Variants in TRIQK observed in about 807,000 individuals in gnomAD.
The protein encoded by TRIQK is triple QxxK/R motif containing.
TRIQK carries 10 observed loss-of-function variants against 10.8 expected under a neutral mutation model. That is an observed-to-expected ratio of 0.92 (90% CI 0.57 to 1.57). The LOEUF is 1.57. TRIQK is among the 40% of genes most tolerant of loss of function. TRIQK has a pLI of 0.00. For synonymous variants in TRIQK, 33 were observed against 33.7 expected (o/e 0.98, Z 0.07); for missense variants, 107 against 97.7 (o/e 1.09, Z -0.40).
At chr8:92,949,450 AT>A (rs933036985) in intron 2 of TRIQK, among the ~76,000 whole-genome samples, 1 of 152,030 alleles carries the variant, frequency 6.6e-6, no homozygotes, top group African/African-American at 2.4e-5. Flanking sequence ...TGCTCAATAA[AT>A]GTTATCATCA....
At chr8:92,918,618 A>T (rs570368752) in intron 2 of TRIQK, among the ~76,000 whole-genome samples, 11 of 152,012 alleles carry the variant, frequency 7.2e-5, no homozygotes, top group African/African-American at 2.6e-4. Flanking sequence ...CTGGGTATTA[A>T]TCCTTTGTTG....
intron 3 of TRIQK, among the ~76,000 whole-genome samples, chr8:92,895,830 C>CA (rs35918182): frequency 6.6e-6 from 1 of 150,402 alleles, no homozygotes; most frequent in African/African-American, 2.4e-5. Context: ...GTGAGATGTG[C>CA]AAAAAAAGAA....
chr8:92,889,401 T>C (rs1816649699), intron 4 of TRIQK, among the ~76,000 whole-genome samples: 1 of 151,648 alleles, frequency 6.6e-6, no homozygotes, highest in African/African-American at 2.4e-5. Flanking sequence ...TTTATGGTAA[T>C]TTATAAATAA....
intron 1 of TRIQK, among the ~76,000 whole-genome samples, chr8:93,003,153 C>T (rs1334110243): frequency 6.6e-6 from 1 of 152,064 alleles, no homozygotes; most frequent in Non-Finnish European, 1.5e-5. Context: ...TCCATCTGTT[C>T]TCACACTGCT....
intron 3 of TRIQK, among the ~76,000 whole-genome samples, chr8:92,899,175 G>T (rs1215923527): frequency 2.6e-5 from 4 of 151,246 alleles, no homozygotes; most frequent in Non-Finnish European, 4.4e-5. Context: ...GTAGAGATGG[G>T]GTTTCACCAT....
intron 1 of TRIQK, among the ~76,000 whole-genome samples, chr8:92,960,112 T>C (rs1812375591): frequency 6.6e-6 from 1 of 152,120 alleles, no homozygotes; most frequent in African/African-American, 2.4e-5. Context: ...ATAGGTCTTT[T>C]TCAGCTCAGG....
At chr8:92,980,573 T>C (rs769576569) in intron 1 of TRIQK, among the ~76,000 whole-genome samples, 8 of 152,066 alleles carry the variant, frequency 5.3e-5, no homozygotes, top group African/African-American at 1.9e-4. Flanking sequence ...TGGTGCTGCT[T>C]CAGTTTCTTC....
rs1029895223 is a variant in TRIQK at position 92,884,472 on chromosome 8, G to A, written c.*2150C>T. On this transcript the variant is annotated 3_prime_UTR_variant, in exon 5 of 5. Transcript: ENST00000521988. Reference sequence around the variant, plus strand: ...GCTATCATAAATCAATCAGTCATACGAATGGACTAGCTGTAGACTCAGGAT... The same window carrying A: ...GCTATCATAAATCAATCAGTCATACAAATGGACTAGCTGTAGACTCAGGAT... The A allele has an allele frequency of 1.2e-4, 27 of 225,586 alleles. No homozygotes were observed. The highest frequency in any genetic ancestry group is 1.2e-3 in the Admixed American group (22 of 19,086). The allele number at this position is 225,586 out of a possible 1,614,324, so 14.0% of individuals were successfully genotyped here.
chr8:92,967,008 A>G (rs547141943), upstream of TRIQK, among the ~76,000 whole-genome samples: 69 of 143,992 alleles, frequency 4.8e-4, no homozygotes, highest in African/African-American at 1.7e-3. Context: ...AAAAACTGAG[A>G]CAAGTATAAA....
chr8:92,933,131 T>C (rs1810819711), intron 2 of TRIQK, among the ~76,000 whole-genome samples: 1 of 152,112 alleles, frequency 6.6e-6, no homozygotes, highest in South Asian at 2.1e-4. Flanking sequence ...TGTATTGGTG[T>C]GAGCTCAGTA....
rs1816461798 is a variant in TRIQK, at chr8:92,886,080, AC to A, written c.*541del. The A allele has an allele frequency of 6.6e-6, 1 of 151,752 alleles. No individual in the cohort carries two copies. Among genetic ancestry groups the A allele is most frequent in the South Asian group, 2.1e-4 (1 of 4,834 alleles). The allele number at this position is 151,752 out of a possible 1,614,324, so 9.4% of individuals were successfully genotyped here. A position where few individuals can be genotyped will look rare whatever the true frequency, so the allele number is the denominator to read the frequency against. On this transcript the variant is annotated 3_prime_UTR_variant, in exon 5 of 5. Coordinates refer to ENST00000521988, the MANE Select transcript of TRIQK (RefSeq NM_001171797.2). ...TTCTGATGCAGCACATGTGCACTGA[AC>A]AGTTGGCAAAGAAGGAAAAAGATTA...
intron 1 of TRIQK, among the ~76,000 whole-genome samples, chr8:92,982,126 A>C (rs1298079974): frequency 6.6e-6 from 1 of 151,838 alleles, no homozygotes; most frequent in Non-Finnish European, 1.5e-5. Flanking sequence ...AAATATTTAA[A>C]ATTATCAATA....
At position 92,894,974 on chromosome 8, in the gene TRIQK, G is replaced by A. The variant is rs189966513; in HGVS notation, c.62-2900C>T. On this transcript the variant is annotated intron_variant, in intron 3 of 4. Transcript: ENST00000521988. ...AATGTGTCCCCCAAAATTCATGTTGGAAACTTAATTTCCAGTGCAACAGTT... is the reference window on the plus strand; with the variant it reads ...AATGTGTCCCCCAAAATTCATGTTGAAAACTTAATTTCCAGTGCAACAGTT... 1.8e-4 allele frequency among the ~76,000 whole-genome samples: 27 copies of A among 152,248 alleles called. 1 individual carries two copies. Among genetic ancestry groups the A allele is most frequent in the Admixed American group, 1.8e-3 (27 of 15,284 alleles).
chr8:92,886,342 A>G lies in TRIQK; in HGVS notation c.*280T>C. 5.0e-6 allele frequency: 1 copy of G among 198,056 alleles called. No individual in the cohort carries two copies. The highest frequency in any genetic ancestry group is 1.0e-5 in the Non-Finnish European group (1 of 98,476). The allele number at this position is 198,056 out of a possible 1,614,324, so 12.3% of individuals were successfully genotyped here. A position where few individuals can be genotyped will look rare whatever the true frequency, so the allele number is the denominator to read the frequency against. On this transcript the variant is annotated 3_prime_UTR_variant, in exon 5 of 5. Transcript: ENST00000521988. ...ACATAAATTGGCAATGACATTTGAA[A>G]AATTTAGGATCTGGTTCCCATTTCA...
At chr8:92,932,355 T>C (rs1810773122) in intron 2 of TRIQK, among the ~76,000 whole-genome samples, 1 of 152,156 alleles carries the variant, frequency 6.6e-6, no homozygotes, top group Non-Finnish European at 1.5e-5. Context: ...TTCCTTTAAC[T>C]AGCAAGTTTC....
chr8:92,901,405 T>C (rs1012182407), intron 3 of TRIQK, among the ~76,000 whole-genome samples: 1 of 152,198 alleles, frequency 6.6e-6, no homozygotes, highest in African/African-American at 2.4e-5. Context: ...TTTTATTACG[T>C]TGAGGTATGT....
intron 1 of TRIQK, among the ~76,000 whole-genome samples, chr8:92,959,828 G>A (rs992236084): frequency 3.9e-5 from 6 of 151,992 alleles, no homozygotes; most frequent in African/African-American, 1.4e-4. Flanking sequence ...AATCAGGGAC[G>A]GACTGTATAC....
chr8:92,927,747 A>C (rs1425967839), intron 2 of TRIQK, among the ~76,000 whole-genome samples: 1 of 152,148 alleles, frequency 6.6e-6, no homozygotes, highest in Non-Finnish European at 1.5e-5. Flanking sequence ...AAAGACTGAG[A>C]AGGGACCTGG....
At chr8:92,959,635 C>T (rs1336194415) in intron 1 of TRIQK, among the ~76,000 whole-genome samples, 2 of 151,980 alleles carry the variant, frequency 1.3e-5, no homozygotes, top group African/African-American at 2.4e-5. Context: ...ACATGCTCCT[C>T]AACTTACCGT....
Sources: gnomAD v4.1 joint callset for allele counts (sites outside exome capture counted in the v4.1 genomes callset) on GRCh38, gnomAD v4.1.1 for gene constraint, MANE v1.5 for transcripts, NCBI Gene and HGNC (gene_info 2026-07-23, HGNC 2026-07-21) for gene names.